The following LRRC63 variants were observed in gnomAD, a reference collection of about 807,000 sequenced individuals.
The protein encoded by LRRC63 is leucine rich repeat containing 63, also known as leucine-rich repeat-containing protein 63.
LRRC63 carries 40 observed loss-of-function variants against 49.5 expected under a neutral mutation model. That is an observed-to-expected ratio of 0.81 (90% confidence interval 0.63 to 1.05). LRRC63 has a LOEUF of 1.05. LRRC63 is among the 50% of genes least tolerant of loss of function. The pLI is 0.00. For missense variants in LRRC63, 636 were observed against 663.1 expected (o/e 0.96, Z 0.45); for synonymous variants, 191 against 221.1 (o/e 0.86, Z 1.21).
chr13:46,248,126 A>G (rs568138179), intron 6 of LRRC63, among the ~76,000 whole-genome samples: 2 of 152,180 alleles, frequency 1.3e-5, no homozygotes, highest in African/African-American at 4.8e-5. Flanking sequence ...AACTCAAGAG[A>G]ACATACTGAA....
At chr13:46,265,724 G>T (rs577908377) in intron 8 of LRRC63, among the ~76,000 whole-genome samples, 3 of 152,286 alleles carry the variant, frequency 2.0e-5, no homozygotes, top group Non-Finnish European at 4.4e-5. Context: ...TCTGCTGCCG[G>T]CCCCTAGGCT....
At chr13:46,250,889 A>C (rs2047361029) in intron 7 of LRRC63, among the ~76,000 whole-genome samples, 1 of 151,896 alleles carries the variant, frequency 6.6e-6, no homozygotes, top group Non-Finnish European at 1.5e-5. Flanking sequence ...GGAGAAAGTA[A>C]TTTAACCATT....
chr13:46,257,242 A>G (rs753319352), intron 7 of LRRC63, among the ~76,000 whole-genome samples: 2 of 152,226 alleles, frequency 1.3e-5, no homozygotes, highest in Non-Finnish European at 2.9e-5. Flanking sequence ...CTACAGCCGG[A>G]AAGAACTGAA....
At chr13:46,254,316 C>G (rs1362055167) in intron 7 of LRRC63, among the ~76,000 whole-genome samples, 1 of 151,968 alleles carries the variant, frequency 6.6e-6, no homozygotes, top group Non-Finnish European at 1.5e-5. Flanking sequence ...TTTTTAAAGA[C>G]TCGGGCATAT....
At chr13:46,267,104 A>G (rs1156503182) in intron 9 of LRRC63, 132 bp downstream of exon 9, 72 of 840,980 alleles carry the variant, frequency 8.6e-5, no homozygotes, top group Non-Finnish European at 9.8e-5. Flanking sequence ...CATACACACA[A>G]TTCTTCAAAT....
chr13:46,257,520 T>G (rs1594087444), intron 7 of LRRC63, among the ~76,000 whole-genome samples: 1 of 152,116 alleles, frequency 6.6e-6, no homozygotes, highest in Non-Finnish European at 1.5e-5. Context: ...AGTCAATATA[T>G]GTAATAAATA....
chr13:46,255,645 A>AAAAAAAAAAAAAAAAATATATATATATAT (rs1555328641), intron 7 of LRRC63, among the ~76,000 whole-genome samples: 2 of 129,466 alleles, frequency 1.5e-5, no homozygotes, highest in African/African-American at 5.8e-5. Flanking sequence ...CCCTGCCTCA[A>AAAAAAAAAAAAAAAAATATATATATATAT]ATATATATAT....
chr13:46,247,122 G>A lies in LRRC63; in HGVS notation c.1089+497G>A, dbSNP rs115595010. Among the ~76,000 whole-genome samples the A allele has an allele frequency of 3.6e-3, 546 of 152,120 alleles. 5 individuals are homozygous for A. Among genetic ancestry groups the A allele is most frequent in the African/African-American group, 0.013 (521 of 41,532 alleles). On this transcript the variant is annotated intron_variant, in intron 6 of 9. Coordinates refer to ENST00000595396, the Ensembl canonical transcript of LRRC63. ...GTGATTAGGACAAATTACGTTTTTC[G>A]TGTCTTTAGTCATTGCTTCATTGAT...
intron 5 of LRRC63, among the ~76,000 whole-genome samples, chr13:46,242,990 A>G (rs1359246772): frequency 6.6e-6 from 1 of 152,242 alleles, no homozygotes; most frequent in Non-Finnish European, 1.5e-5. Context: ...TGCTTCAAGT[A>G]AGAAAATTGA....
chr13:46,229,818 C>T (rs908099515), intron 4 of LRRC63, among the ~76,000 whole-genome samples: 10 of 152,120 alleles, frequency 6.6e-5, no homozygotes, highest in African/African-American at 2.4e-4. Context: ...GGAAGAAAGA[C>T]TTAATTGGCT....
At chr13:46,265,713 C>G (rs538007941) in intron 8 of LRRC63, among the ~76,000 whole-genome samples, 11 of 152,214 alleles carry the variant, frequency 7.2e-5, no homozygotes, top group Non-Finnish European at 1.6e-4. Context: ...GAGCAGGGCT[C>G]TCTGCTGCCG....
chr13:46,214,948 C>T (rs756276278), intron 2 of LRRC63, among the ~76,000 whole-genome samples: 14 of 152,154 alleles, frequency 9.2e-5, no homozygotes, highest in African/African-American at 1.4e-4. Flanking sequence ...AATCTCATTC[C>T]TTTTTATGGC....
rs1022350223 is a variant in LRRC63 at position 46,212,969 on chromosome 13, T to C, written c.-33-33T>C. 9 of 1,093,114 alleles carry C rather than the reference T, an allele frequency of 8.2e-6. No homozygotes were observed. The African/African-American group carries it at 1.1e-4, about 14-fold the overall frequency. 67.7% of individuals were successfully genotyped at this position (1,093,114 alleles called of 1,614,324 possible). A position where few individuals can be genotyped will look rare whatever the true frequency, so the allele number is the denominator to read the frequency against. ...ATTATTTTTCAACAATTCAAACATA[T>C]TCAAAACCTTTTCAATTCTCATTTA... is the stretch of plus-strand genomic sequence containing the variant. On this transcript the variant is annotated intron_variant, in intron 1 of 9. Transcript: ENST00000595396.
At chr13:46,276,524 C>A in intron 9 of LRRC63, 66 bp from the exon 10 acceptor site, 1 of 762,450 alleles carries the variant, frequency 1.3e-6, no homozygotes, top group East Asian at 3.4e-5. Context: ...TATTTGGAGT[C>A]TTGCATAGCA....
chr13:46,260,603 G>C (rs768281851), intron 7 of LRRC63, among the ~76,000 whole-genome samples: 58 of 152,160 alleles, frequency 3.8e-4, no homozygotes, highest in Non-Finnish European at 6.8e-4. Flanking sequence ...AAGCAGAGAA[G>C]TACAGAAGAG....
At chr13:46,274,351 T>C (rs1407709921) in intron 9 of LRRC63, among the ~76,000 whole-genome samples, 2 of 152,198 alleles carry the variant, frequency 1.3e-5, no homozygotes, top group East Asian at 3.8e-4. Flanking sequence ...ACTGTCATCC[T>C]CCAGTGTCTG....
intron 7 of LRRC63, among the ~76,000 whole-genome samples, chr13:46,252,823 T>C (rs942392203): frequency 7.2e-5 from 11 of 152,026 alleles, no homozygotes; most frequent in African/African-American, 2.4e-4. Context: ...AGTTTGCTGG[T>C]TTTGAAGCTT....
At chr13:46,259,648 G>A (rs2047583004) in intron 7 of LRRC63, among the ~76,000 whole-genome samples, 1 of 151,984 alleles carries the variant, frequency 6.6e-6, no homozygotes, top group Non-Finnish European at 1.5e-5. Flanking sequence ...TTAAAGAAGG[G>A]GATTAAATTA....
intron 9 of LRRC63, among the ~76,000 whole-genome samples, chr13:46,268,139 G>A (rs534235000): frequency 6.6e-6 from 1 of 152,172 alleles, no homozygotes; most frequent in South Asian, 2.1e-4. Context: ...TATGAGTATT[G>A]CAACTGTGAC....
Sources: allele counts gnomAD v4.1 joint callset (sites outside exome capture counted in the v4.1 genomes callset), GRCh38; gene constraint gnomAD v4.1.1; transcripts MANE v1.5; gene names NCBI Gene and HGNC (gene_info 2026-07-23, HGNC 2026-07-21).